ZBTB20: variants seen among roughly 807,000 people sequenced by gnomAD.
ZBTB20 encodes the protein zinc finger and BTB domain-containing protein 20.
In ZBTB20, 9 loss-of-function variants were observed where a neutral mutation model predicts 56.9. That is an observed-to-expected ratio of 0.16 (90% CI 0.10 to 0.28). The LOEUF is 0.28. Ranked by LOEUF, ZBTB20 falls within the 10% of genes least tolerant of loss-of-function variation. The pLI is 1.00. For synonymous variants in ZBTB20, 417 were observed against 420.7 expected (o/e 0.99, Z 0.11); for missense variants, 655 against 1,003.0 (o/e 0.65, Z 4.69).
At chr3:114,540,626 T>A (rs1338632295) in intron 6 of ZBTB20, among the ~76,000 whole-genome samples, 1 of 152,108 alleles carries the variant, frequency 6.6e-6, no homozygotes, top group Non-Finnish European at 1.5e-5. Flanking sequence ...TTCTAATTTA[T>A]CTGTGTTCCT....
chr3:114,609,034 C>T (rs1288178633), intron 6 of ZBTB20, among the ~76,000 whole-genome samples: 1 of 152,154 alleles, frequency 6.6e-6, no homozygotes, highest in African/African-American at 2.4e-5. Context: ...GAAATAAGAC[C>T]TTTCACATCG....
intron 4 of ZBTB20, among the ~76,000 whole-genome samples, chr3:114,809,763 A>T (rs913191528): frequency 6.6e-6 from 1 of 152,044 alleles, no homozygotes; most frequent in Non-Finnish European, 1.5e-5. Flanking sequence ...TGTTTATTAC[A>T]TGTCTCATTT....
chr3:114,600,274 A>G (rs2056658939), intron 6 of ZBTB20, among the ~76,000 whole-genome samples: 1 of 152,008 alleles, frequency 6.6e-6, no homozygotes, highest in Non-Finnish European at 1.5e-5. Context: ...ACCTGATGTA[A>G]GGCAGGGGTT....
chr3:114,717,764 T>C (rs1193458049), intron 5 of ZBTB20, among the ~76,000 whole-genome samples: 3 of 152,146 alleles, frequency 2.0e-5, no homozygotes, highest in African/African-American at 7.2e-5. Context: ...TTTTATCCGT[T>C]CCACTCTACC....
At chr3:114,809,817 C>T (rs1384780369) in intron 4 of ZBTB20, among the ~76,000 whole-genome samples, 3 of 152,172 alleles carry the variant, frequency 2.0e-5, no homozygotes, top group African/African-American at 7.2e-5. Context: ...TACAGCAACT[C>T]TGGCTTCTGA....
In ZBTB20 at chr3:114,813,457, A is replaced by G. The variant is rs145812687; in HGVS notation, c.-416-12283T>C. Among the ~76,000 whole-genome samples, 499 of 152,330 alleles carry G rather than the reference A, an allele frequency of 3.3e-3. 1 individual carries two copies. Among genetic ancestry groups the G allele is most frequent in the African/African-American group, 0.011 (471 of 41,584 alleles). On this transcript the variant is annotated intron_variant, in intron 4 of 11. Coordinates refer to ENST00000675478, the MANE Select transcript of ZBTB20 (RefSeq NM_001348800.3). ...TTACTATTTCTGCTATTAATTAACA[A>G]TAAAAAAAATAGGCTAGGCATGGTG... is the stretch of plus-strand genomic sequence containing the variant.
chr3:115,006,969 AT>A (rs1315036915), intron 2 of ZBTB20, among the ~76,000 whole-genome samples: 4 of 151,762 alleles, frequency 2.6e-5, no homozygotes, highest in African/African-American at 9.7e-5. Context: ...TTCTGATTTA[AT>A]GTAGCAATAC....
At chr3:114,393,936 G>C (rs956484131) in intron 7 of ZBTB20, among the ~76,000 whole-genome samples, 1 of 152,150 alleles carries the variant, frequency 6.6e-6, no homozygotes, top group Admixed American at 6.5e-5. Context: ...AGAGAGCAGA[G>C]CTGTTATGAA....
intron 7 of ZBTB20, among the ~76,000 whole-genome samples, chr3:114,406,732 G>C (rs186354761): frequency 3.2e-4 from 49 of 151,974 alleles, no homozygotes; most frequent in Non-Finnish European, 2.9e-5. Flanking sequence ...CAGGTTTGTA[G>C]AGTCACTACT....
At chr3:114,578,508 C>T (rs987877796) in intron 6 of ZBTB20, among the ~76,000 whole-genome samples, 2 of 151,856 alleles carry the variant, frequency 1.3e-5, no homozygotes, top group Non-Finnish European at 2.9e-5. Flanking sequence ...CACGTCCAGA[C>T]ACATTTCAGA....
chr3:114,368,065 G>A (rs188363673), intron 10 of ZBTB20, among the ~76,000 whole-genome samples: 15 of 152,262 alleles, frequency 9.9e-5, no homozygotes, highest in East Asian at 1.9e-4. Flanking sequence ...AACTGTAGCC[G>A]ACACTCAAAT....
At chr3:114,537,661 A>G (rs756673992) in intron 6 of ZBTB20, among the ~76,000 whole-genome samples, 2 of 152,190 alleles carry the variant, frequency 1.3e-5, no homozygotes, top group Non-Finnish European at 2.9e-5. Flanking sequence ...ATTAGAAATC[A>G]TTCTACTATA....
chr3:114,994,053 A>T (rs1560472706), intron 2 of ZBTB20, among the ~76,000 whole-genome samples: 1 of 151,840 alleles, frequency 6.6e-6, no homozygotes, highest in Non-Finnish European at 1.5e-5. Context: ...TGATCAAAAA[A>T]TATTAATCAT....
intron 7 of ZBTB20, among the ~76,000 whole-genome samples, chr3:114,493,121 C>T (rs956610104): frequency 4.6e-5 from 7 of 152,122 alleles, no homozygotes; most frequent in African/African-American, 7.2e-5. Context: ...AGATAAGAAT[C>T]GTAACAGTAC....
chr3:114,883,916 C>CTTTTTTTTT (rs869141975), intron 4 of ZBTB20, among the ~76,000 whole-genome samples: 1 of 89,768 alleles, frequency 1.1e-5, no homozygotes, highest in South Asian at 3.9e-4. Context: ...ATGGTGTGTT[C>CTTTTTTTTT]TTTTTTTTTT....
intron 2 of ZBTB20, among the ~76,000 whole-genome samples, chr3:114,981,335 G>A (rs1423529923): frequency 6.6e-6 from 1 of 152,012 alleles, no homozygotes; most frequent in Non-Finnish European, 1.5e-5. Flanking sequence ...TCTAAAAGGG[G>A]TGTGTAAAAA....
At chr3:114,455,033 G>A (rs1489476167) in intron 7 of ZBTB20, among the ~76,000 whole-genome samples, 1 of 140,882 alleles carries the variant, frequency 7.1e-6, no homozygotes, top group African/African-American at 2.6e-5. Context: ...GAGAGAGGAA[G>A]AGAGAGGGGG....
chr3:114,964,683 G>T (rs1358283122), intron 3 of ZBTB20, among the ~76,000 whole-genome samples: 1 of 152,134 alleles, frequency 6.6e-6, no homozygotes, highest in Non-Finnish European at 1.5e-5. Context: ...TATGTGCCTG[G>T]GTGGAGGAGG....
chr3:115,029,609 G>C (rs1283809234), intron 2 of ZBTB20, among the ~76,000 whole-genome samples: 1 of 150,762 alleles, frequency 6.6e-6, no homozygotes, highest in African/African-American at 2.4e-5. Context: ...TTTAGCATAT[G>C]ATAAATAATG....
Sources: allele counts gnomAD v4.1 joint callset (sites outside exome capture counted in the v4.1 genomes callset), GRCh38; gene constraint gnomAD v4.1.1; transcripts MANE v1.5; gene names NCBI Gene and HGNC (gene_info 2026-07-23, HGNC 2026-07-21).